PRKG1: variants seen among roughly 807,000 people sequenced by gnomAD.
The protein encoded by PRKG1 is cGMP-dependent protein kinase 1.
PRKG1 carries 35 observed loss-of-function variants against 88.1 expected under a neutral mutation model. The ratio of observed to expected loss-of-function variants is 0.40; its 90% CI spans 0.30 to 0.53. The LOEUF (loss-of-function observed/expected upper bound fraction) is 0.53, where lower values mean the gene tolerates loss of function less well. Ranked by LOEUF, PRKG1 falls within the 20% of genes least tolerant of loss-of-function variation. The pLI is 0.59. For synonymous variants in PRKG1, 303 were observed against 292.5 expected, an observed-to-expected ratio of 1.04 and a Z score of -0.37; for missense variants, 540 against 839.8, an observed-to-expected ratio of 0.64 and a Z score of 4.41.
rs888868960 is a variant in PRKG1, at chr10:51,206,156, AACACATC to A, written c.478+52828_478+52834del. 1.2e-4 allele frequency among the ~76,000 whole-genome samples: 18 copies of A among 152,200 alleles called. No individual in the cohort carries two copies. The South Asian group carries it at 3.3e-3, about 28-fold the overall frequency. On this transcript the variant is annotated intron_variant, in intron 2 of 17. Transcript: ENST00000373980. ...TGCTTACTTTGTAATTCTGTTTTTA[AACACATC>A]ATAAACTGTGAGGGGCTACTTGCCT...
At chr10:51,130,598 A>G (rs577805141) in intron 1 of PRKG1, among the ~76,000 whole-genome samples, 1 of 152,084 alleles carries the variant, frequency 6.6e-6, no homozygotes, top group Non-Finnish European at 1.5e-5. Flanking sequence ...TTTGTCATGC[A>G]TCACCCACTC....
At chr10:51,247,744 T>C (rs10996313) in intron 2 of PRKG1, among the ~76,000 whole-genome samples, 14,113 of 151,908 alleles carry the variant, frequency 0.093, 805 homozygotes, top group African/African-American at 0.15. Context: ...GCTGTGTCTT[T>C]TCTTTCATTT....
intron 2 of PRKG1, among the ~76,000 whole-genome samples, chr10:51,273,926 C>T (rs1177229422): frequency 3.9e-5 from 6 of 152,202 alleles, no homozygotes; most frequent in East Asian, 1.9e-4. Flanking sequence ...GTTAGATCTA[C>T]GTTAAATCCC....
At chr10:51,739,842 G>T (rs1010163473) in intron 3 of PRKG1, among the ~76,000 whole-genome samples, 8 of 152,088 alleles carry the variant, frequency 5.3e-5, no homozygotes, top group Admixed American at 2.0e-4. Context: ...GCGTGGTGGC[G>T]CATGCCTGTA....
chr10:51,428,988 ACAGT>A (rs1838680072), intron 2 of PRKG1, among the ~76,000 whole-genome samples: 1 of 152,214 alleles, frequency 6.6e-6, no homozygotes, highest in Admixed American at 6.5e-5. Context: ...ATTTGCACTC[ACAGT>A]CAGAAGAGAC....
intron 2 of PRKG1, among the ~76,000 whole-genome samples, chr10:51,429,462 G>T (rs1255196001): frequency 1.3e-5 from 2 of 151,970 alleles, no homozygotes; most frequent in Non-Finnish European, 2.9e-5. Context: ...GAAAAATGTG[G>T]CCCAGACTAA....
In PRKG1 at chr10:51,420,187, T is replaced by A. The variant is rs182526938; in HGVS notation, c.479-47536T>A. Among the ~76,000 whole-genome samples the A allele has an allele frequency of 3.1e-4, 47 of 152,126 alleles. No homozygotes were observed. In the South Asian group the frequency reaches 8.1e-3, roughly 26 times the overall value. Reference sequence around the variant, plus strand: ...GAAGTTGAAGCGGGAGCAGGCAATTTGCATGGTGAAATTAGGAGCAAGAGA... The same window carrying A: ...GAAGTTGAAGCGGGAGCAGGCAATTAGCATGGTGAAATTAGGAGCAAGAGA... On this transcript the variant is annotated intron_variant, in intron 2 of 17. Coordinates refer to ENST00000373980, the MANE Select transcript of PRKG1 (RefSeq NM_006258.4).
intron 3 of PRKG1, among the ~76,000 whole-genome samples, chr10:51,570,400 G>A (rs1837722525): frequency 6.6e-6 from 1 of 151,868 alleles, no homozygotes; most frequent in South Asian, 2.1e-4. Flanking sequence ...TAAGGAAGAC[G>A]AAGTATATTT....
chr10:51,747,392 C>T (rs757498242), intron 3 of PRKG1, among the ~76,000 whole-genome samples: 6 of 152,176 alleles, frequency 3.9e-5, no homozygotes, highest in Non-Finnish European at 8.8e-5. Context: ...ATTCAGCATG[C>T]TTCCCACAGA....
chr10:51,961,298 G>A (rs1011510488), intron 5 of PRKG1, among the ~76,000 whole-genome samples: 7 of 152,044 alleles, frequency 4.6e-5, no homozygotes, highest in African/African-American at 1.2e-4. Context: ...TCGTGTCCAC[G>A]GGTTTTGCAT....
intron 1 of PRKG1, among the ~76,000 whole-genome samples, chr10:51,109,397 TAG>T (rs1404255033): frequency 2.6e-5 from 4 of 151,948 alleles, no homozygotes; most frequent in African/African-American, 9.7e-5. Flanking sequence ...TGGAACAAAA[TAG>T]AGAGTCCAGA....
chr10:51,503,772 C>G (rs1375370148), intron 3 of PRKG1, among the ~76,000 whole-genome samples: 2 of 152,032 alleles, frequency 1.3e-5, no homozygotes, highest in Non-Finnish European at 2.9e-5. Context: ...TTTTTCTTTA[C>G]AGTGTTCATG....
At chr10:51,736,367 C>T (rs961193221) in intron 3 of PRKG1, among the ~76,000 whole-genome samples, 2 of 152,150 alleles carry the variant, frequency 1.3e-5, no homozygotes, top group Non-Finnish European at 2.9e-5. Flanking sequence ...CCTCCCACTT[C>T]AGCCTCCCGA....
In PRKG1 at chr10:52,238,701, GA is replaced by G. The variant is rs1295544693; in HGVS notation, c.1077-12867del. 5.7e-3 allele frequency among the ~76,000 whole-genome samples: 845 copies of G among 148,200 alleles called. 7 individuals carry two copies. Among genetic ancestry groups the G allele is most frequent in the African/African-American group, 0.02 (805 of 40,740 alleles). On this transcript the variant is annotated intron_variant, in intron 9 of 17. Coordinates refer to ENST00000373980, the MANE Select transcript of PRKG1 (RefSeq NM_006258.4). ...TGCTGGAGAGGATGTGGAGAAATAG[GA>G]ACACTTTTACACTGTTGGTGGGACT...
intron 8 of PRKG1, among the ~76,000 whole-genome samples, chr10:52,160,121 T>C (rs1226303262): frequency 1.3e-5 from 2 of 151,936 alleles, no homozygotes; most frequent in Admixed American, 1.3e-4. Flanking sequence ...ATATTATCTA[T>C]TTATAATAAA....
intron 2 of PRKG1, among the ~76,000 whole-genome samples, chr10:51,435,033 T>C (rs1199111307): frequency 2.0e-5 from 3 of 152,094 alleles, no homozygotes; most frequent in Non-Finnish European, 4.4e-5. Context: ...AAAAAATTTC[T>C]CTTTCTTTTC....
intron 2 of PRKG1, among the ~76,000 whole-genome samples, chr10:51,411,730 C>T (rs1371512001): frequency 3.3e-5 from 5 of 152,156 alleles, no homozygotes; most frequent in Non-Finnish European, 5.9e-5. Flanking sequence ...ATTTTTCCTT[C>T]AGCCAGAACA....
intron 2 of PRKG1, among the ~76,000 whole-genome samples, chr10:51,164,186 T>C (rs1028131500): frequency 5.9e-5 from 9 of 152,152 alleles, no homozygotes; most frequent in Middle Eastern, 3.4e-3. Flanking sequence ...GCTGGGTACT[T>C]CTCTGAGACA....
At chr10:52,262,379 C>A (rs1841453415) in intron 10 of PRKG1, among the ~76,000 whole-genome samples, 1 of 152,070 alleles carries the variant, frequency 6.6e-6, no homozygotes, top group Admixed American at 6.6e-5. Flanking sequence ...TCAAGCAATT[C>A]TCCTGCCTCA....
Sources: gnomAD v4.1 joint callset for allele counts (sites outside exome capture counted in the v4.1 genomes callset) on GRCh38, gnomAD v4.1.1 for gene constraint, MANE v1.5 for transcripts, NCBI Gene and HGNC (gene_info 2026-07-23, HGNC 2026-07-21) for gene names.